Variants in ME1 observed in about 807,000 individuals in gnomAD.
ME1 encodes the protein malic enzyme 1, also known as NADP-dependent malic enzyme.
In ME1, 74 loss-of-function variants were observed where a neutral mutation model predicts 66.4. The observed-to-expected ratio is 1.11, with a 90% CI of 0.92 to 1.35. The LOEUF (loss-of-function observed/expected upper bound fraction) is 1.35, where lower values mean the gene tolerates loss of function less well. Ranked by LOEUF, ME1 falls within the 40% of genes most tolerant of loss-of-function variation. The pLI, the probability that ME1 is intolerant of heterozygous loss-of-function variation, is 0.00. For synonymous variants in ME1, 251 were observed against 235.6 expected (o/e 1.07, Z -0.60); for missense variants, 750 against 694.1 (o/e 1.08, Z -0.90).
chr6:83,320,081 G>T (rs1378635665), intron 5 of ME1, among the ~76,000 whole-genome samples: 2 of 152,192 alleles, frequency 1.3e-5, no homozygotes, highest in Non-Finnish European at 2.9e-5. Context: ...TTTATATGTG[G>T]AATGTGACCA....
rs1459633638 is a variant in ME1, at chr6:83,315,363, T to C, written c.651A>G (p.Arg217=). The C allele has an allele frequency of 6.2e-7, 1 of 1,612,480 alleles. No individual in the cohort carries two copies. The highest frequency in any genetic ancestry group is 2.2e-5 in the East Asian group (1 of 44,776). ...CCAAAAAATCATCATATTCAGAACC[T>C]CTTACTCTTCTCTGCCGTAGTCCAA... ...LYIGLRQRRV[R]GSEYDDFLDE... is the part of the protein sequence containing the mutation. Residue 217 remains arginine, a synonymous_variant, in exon 6 of 14, where the codon AGA becomes AGG. Transcript: ENST00000369705.
intron 1 of ME1, among the ~76,000 whole-genome samples, chr6:83,417,750 A>T (rs1770189694): frequency 6.6e-6 from 1 of 152,226 alleles, no homozygotes; most frequent in African/African-American, 2.4e-5. Context: ...ATCTCTTTAA[A>T]AAATAAAACT....
intron 3 of ME1, among the ~76,000 whole-genome samples, chr6:83,390,895 TA>T (rs1769607589): frequency 6.6e-6 from 1 of 151,814 alleles, no homozygotes; most frequent in Non-Finnish European, 1.5e-5. Flanking sequence ...TATACATACA[TA>T]AAAACACATA....
At chr6:83,316,233 T>G (rs1259934093) in intron 5 of ME1, among the ~76,000 whole-genome samples, 1 of 152,228 alleles carries the variant, frequency 6.6e-6, no homozygotes, top group Non-Finnish European at 1.5e-5. Context: ...CTTAAATTTT[T>G]TAACTTTACA....
chr6:83,217,579 AAAGAG>A (rs1197170478), intron 12 of ME1, among the ~76,000 whole-genome samples: 1 of 152,228 alleles, frequency 6.6e-6, no homozygotes, highest in Non-Finnish European at 1.5e-5. Context: ...GAGAACGCTG[AAAGAG>A]AAGACGGCTT....
chr6:83,389,313 C>T (rs1305777052), intron 3 of ME1, among the ~76,000 whole-genome samples: 1 of 152,042 alleles, frequency 6.6e-6, no homozygotes, highest in Non-Finnish European at 1.5e-5. Context: ...TTCTAAGTTA[C>T]AATTTCTCTG....
chr6:83,246,453 A>T (rs1476733374), intron 7 of ME1, among the ~76,000 whole-genome samples: 1 of 152,160 alleles, frequency 6.6e-6, no homozygotes, highest in African/African-American at 2.4e-5. Context: ...TATTCAAAAA[A>T]TTTTAATTTA....
intron 6 of ME1, among the ~76,000 whole-genome samples, chr6:83,309,374 A>G (rs1253838073): frequency 2.0e-5 from 3 of 152,182 alleles, no homozygotes; most frequent in Non-Finnish European, 4.4e-5. Flanking sequence ...GACAATGAGA[A>G]AAGGTTAGAT....
At chr6:83,287,544 AG>A (rs1178097920) in intron 6 of ME1, among the ~76,000 whole-genome samples, 5 of 152,210 alleles carry the variant, frequency 3.3e-5, no homozygotes, top group Non-Finnish European at 1.5e-5. Flanking sequence ...TTCTTAATCC[AG>A]TCTATCATTG....
At position 83,227,368 on chromosome 6, in the gene ME1, T is replaced by C. The variant is rs771459206; in HGVS notation, c.1242A>G (p.Glu414=). ...FALSNPTSKA[E]CSAEQCYKIT... is the part of the protein sequence containing the mutation. ...TTTTGTAGCACTGCTCTGCAGAACA[T>C]TCTGCTTTGCTAGTTGGATTACTCA... The change falls in exon 11 of 14, where the codon GAA becomes GAG. Residue 414 remains glutamate, a synonymous_variant. Coordinates refer to ENST00000369705, the MANE Select transcript of ME1 (RefSeq NM_002395.6). The C allele has an allele frequency of 1.3e-6, 2 of 1,599,582 alleles. No individual in the cohort carries two copies. The highest frequency in any genetic ancestry group is 1.7e-6 in the Non-Finnish European group (2 of 1,170,608).
At chr6:83,230,128 G>GTTTT (rs201960546) in intron 9 of ME1, among the ~76,000 whole-genome samples, 1 of 149,930 alleles carries the variant, frequency 6.7e-6, no homozygotes, top group Admixed American at 6.7e-5. Context: ...GCCAGGCTCT[G>GTTTT]TTTTTTTTTG....
intron 7 of ME1, among the ~76,000 whole-genome samples, chr6:83,248,566 T>A (rs113284442): frequency 6.6e-6 from 1 of 152,150 alleles, no homozygotes; most frequent in Admixed American, 6.5e-5. Context: ...GGACCTGTAG[T>A]TCCCACGTGT....
intron 5 of ME1, among the ~76,000 whole-genome samples, chr6:83,341,573 T>C (rs1329886786): frequency 2.0e-5 from 3 of 152,134 alleles, no homozygotes; most frequent in Non-Finnish European, 4.4e-5. Context: ...AGAACTCTAG[T>C]TGATCATTTA....
At chr6:83,249,776 T>C (rs1484092998) in intron 7 of ME1, among the ~76,000 whole-genome samples, 1 of 152,130 alleles carries the variant, frequency 6.6e-6, no homozygotes, top group Non-Finnish European at 1.5e-5. Context: ...ACTTTACTCA[T>C]GGTGTACAGT....
intron 2 of ME1, among the ~76,000 whole-genome samples, chr6:83,406,467 T>C (rs1488760488): frequency 1.3e-5 from 2 of 152,184 alleles, no homozygotes; most frequent in African/African-American, 4.8e-5. Flanking sequence ...CCTGGGTTTT[T>C]TTCGTTGGTA....
intron 1 of ME1, among the ~76,000 whole-genome samples, chr6:83,413,240 G>A (rs1431598367): frequency 6.6e-6 from 1 of 152,096 alleles, no homozygotes; most frequent in African/African-American, 2.4e-5. Flanking sequence ...TTGAACTCCT[G>A]AGCTCAAGCG....
At chr6:83,420,094 G>A (rs1346929146) in intron 1 of ME1, among the ~76,000 whole-genome samples, 6 of 151,858 alleles carry the variant, frequency 4.0e-5, no homozygotes, top group Admixed American at 3.9e-4. Flanking sequence ...TTGAGACGGA[G>A]CCTTGCACTG....
chr6:83,239,686 A>G, intron 7 of ME1, 50 bp from the exon 8 acceptor site: 3 of 1,303,832 alleles, frequency 2.3e-6, no homozygotes, highest in Non-Finnish European at 3.3e-6. Flanking sequence ...AGATCCTGCC[A>G]ATTTTCAAGC....
intron 6 of ME1, among the ~76,000 whole-genome samples, chr6:83,305,633 T>G (rs1479809771): frequency 6.6e-6 from 1 of 152,104 alleles, no homozygotes; most frequent in Non-Finnish European, 1.5e-5. Flanking sequence ...GAGCACATCA[T>G]AGAGGTCAGG....
Sources: gnomAD v4.1 joint callset for allele counts (sites outside exome capture counted in the v4.1 genomes callset) on GRCh38, gnomAD v4.1.1 for gene constraint, MANE v1.5 for transcripts, NCBI Gene and HGNC (gene_info 2026-07-23, HGNC 2026-07-21) for gene names.